The following ACAD9 variants were observed in gnomAD, a reference collection of about 807,000 sequenced individuals.
The protein encoded by ACAD9 is complex I assembly factor ACAD9, mitochondrial.
Under a neutral mutation model 70.2 loss-of-function variants are expected in ACAD9, and 53 were observed. The ratio of observed to expected loss-of-function variants is 0.75; its 90% CI spans 0.61 to 0.95. The LOEUF is 0.95. Ranked by LOEUF, ACAD9 falls within the 40% of genes least tolerant of loss-of-function variation. The pLI is 0.00. For missense variants in ACAD9, 777 were observed against 802.8 expected (o/e 0.97, Z 0.39); for synonymous variants, 313 against 312.1 (o/e 1.00, Z -0.03).
intron 9 of ACAD9, among the ~76,000 whole-genome samples, chr3:128,903,599 C>T (rs1213275895): frequency 6.6e-6 from 1 of 152,204 alleles, no homozygotes; most frequent in Admixed American, 6.5e-5. Context: ...AGCCACACGC[C>T]TGGAAGCCCC....
chr3:128,911,673 C>T (rs556579238), intron 17 of ACAD9, among the ~76,000 whole-genome samples: 1 of 152,308 alleles, frequency 6.6e-6, no homozygotes, highest in East Asian at 1.9e-4. Flanking sequence ...AACCCCTGAC[C>T]TCAGGTGATC....
chr3:128,908,996 GCA>G lies in ACAD9; in HGVS notation c.1385_1386del (p.Thr462SerfsTer40), dbSNP rs1256178504. ...AGTGAGCTTAAACAGGCCAAAGTGAGCACAGTCATGGATACCGTTGGCCGGAG... is the reference window on the plus strand; with the variant it reads ...AGTGAGCTTAAACAGGCCAAAGTGAGCAGTCATGGATACCGTTGGCCGGAG... On this transcript the variant is annotated frameshift_variant, in exon 14 of 18. Coordinates refer to ENST00000308982, the MANE Select transcript of ACAD9 (RefSeq NM_014049.5). LOFTEE classifies it high-confidence loss of function. 3.1e-6 allele frequency: 5 copies of G among 1,614,202 alleles called. No individual in the cohort carries two copies. Among genetic ancestry groups the G allele is most frequent in the Non-Finnish European group, 4.2e-6 (5 of 1,180,042 alleles).
Position 128,904,443 on chromosome 3 carries a change from A to G in ACAD9, c.1087A>G (p.Thr363Ala). The stretch of plus-strand genomic sequence containing the variant: ...CGTCATGGAGAGTATGACCTACCTC[A>G]CAGCAGGGATGCTGGACCAACCTGG... The part of the protein sequence containing the change: ...AYVMESMTYL[T>A]AGMLDQPGFP... Residue 363 changes from threonine (T) to alanine (A), a missense_variant, in exon 11 of 18, where the codon ACA becomes GCA. Thr to Ala is a moderately conservative substitution (Grantham distance 58, BLOSUM62 0). Coordinates refer to ENST00000308982, the MANE Select transcript of ACAD9 (RefSeq NM_014049.5). 1 of 1,614,206 alleles carries G rather than the reference A, an allele frequency of 6.2e-7. No homozygotes were observed. Among genetic ancestry groups the G allele is most frequent in the Non-Finnish European group, 8.5e-7 (1 of 1,180,030 alleles).
At position 128,906,038 on chromosome 3, in the gene ACAD9, G is replaced by A; in HGVS notation, c.1150-83G>A. The A allele has an allele frequency of 1.9e-6, 3 of 1,599,036 alleles. No individual in the cohort carries two copies. In the South Asian group the frequency reaches 3.3e-5, roughly 18 times the overall value. On this transcript the variant is annotated intron_variant, in intron 11 of 17. Transcript: ENST00000308982. ...TGGCCGATCTCCTCCCCAAGCCCGT[G>A]TGCCTCCCATGCCTCCCCAGCCACC...
intron 3 of ACAD9, 30 bp from the exon 4 acceptor site, chr3:128,895,280 C>G (rs1192177628): frequency 1.3e-6 from 2 of 1,551,488 alleles, no homozygotes; most frequent in African/African-American, 2.8e-5. Flanking sequence ...TAGGGCTGGG[C>G]TGTGATTGAC....
Position 128,902,705 on chromosome 3 carries a change from C to A in ACAD9, c.958+77C>A. Reference sequence around the variant, plus strand: ...CTCCAACCCTGGAGGCTCTGCCATTCCCCCGGCCCCTTCCAGGCCAGTGCT... The same window carrying A: ...CTCCAACCCTGGAGGCTCTGCCATTACCCCGGCCCCTTCCAGGCCAGTGCT... On this transcript the variant is annotated intron_variant, in intron 9 of 17. Coordinates refer to ENST00000308982, the MANE Select transcript of ACAD9 (RefSeq NM_014049.5). This position sits in a 1 kb window ranked among gnomAD's most constrained non-coding sequence, Gnocchi z 4.0. 8 of 1,495,376 alleles carry A rather than the reference C, an allele frequency of 5.3e-6. No individual in the cohort carries two copies. The highest frequency in any genetic ancestry group is 1.2e-5 in the South Asian group (1 of 85,408). The allele number at this position is 1,495,376 out of a possible 1,614,324, so 92.6% of individuals were successfully genotyped here.
chr3:128,899,860 G>C (rs185849695), intron 7 of ACAD9, among the ~76,000 whole-genome samples: 3 of 152,240 alleles, frequency 2.0e-5, no homozygotes, highest in Non-Finnish European at 4.4e-5. Context: ...GTCCATCTGG[G>C]TTCAGGTCCA....
Position 128,884,653 on chromosome 3 carries a change from A to G in ACAD9, c.151A>G (p.Lys51Glu), listed in dbSNP as rs761039361. ...KELFLGKIKK[K>E]EVFPFPEVSQ... The stretch of plus-strand genomic sequence containing the variant: ...TTTAGAAAATATTTACTATTTTTAG[A>G]AAGAAGTTTTCCCATTTCCAGAAGT... The change falls in exon 2 of 18, where the codon AAA becomes GAA. Residue 51 changes from lysine (K) to glutamate (E), a missense_variant and splice_region_variant. Transcript: ENST00000308982. 2 of 1,604,622 alleles carry G rather than the reference A, an allele frequency of 1.2e-6. No individual in the cohort carries two copies. The highest frequency in any genetic ancestry group is 3.3e-5 in the Admixed American group (2 of 59,984).
rs773817938 is a variant in ACAD9 at position 128,904,114 on chromosome 3, T to C, written c.1011T>C (p.Ser337=). 6.2e-7 allele frequency: 1 copy of C among 1,614,230 alleles called. No individual in the cohort carries two copies. Among genetic ancestry groups the C allele is most frequent in the South Asian group, 1.1e-5 (1 of 91,090 alleles). Residue 337 remains serine, a synonymous_variant, in exon 10 of 18, where the codon AGT becomes AGC. Coordinates refer to ENST00000308982, the MANE Select transcript of ACAD9 (RefSeq NM_014049.5). ...GGAAACAGTTTAACAAGAGGCTCAG[T>C]GAATTTGGATTGATTCAGGTACCAA... ...CTRKQFNKRL[S]EFGLIQEKFA...
chr3:128,909,092 G>C lies in ACAD9; in HGVS notation c.1478G>C (p.Ser493Thr). Residue 493 changes from serine (S) to threonine (T), a missense_variant, in exon 14 of 18, where the codon AGT becomes ACT. Ser to Thr is a moderately conservative substitution (Grantham distance 58, BLOSUM62 1). Coordinates refer to ENST00000308982, the MANE Select transcript of ACAD9 (RefSeq NM_014049.5). Reference sequence around the variant, plus strand: ...GGCAACCATGGAGTTGTGCACCCCAGTCTTGCGGTGAGTGGGCCTAACAGG... The same window carrying C: ...GGCAACCATGGAGTTGTGCACCCCACTCTTGCGGTGAGTGGGCCTAACAGG... The part of the protein sequence containing the change: ...LTGNHGVVHP[S>T]LADSANKFEE... The C allele has an allele frequency of 6.2e-7, 1 of 1,614,004 alleles. No individual in the cohort carries two copies. The highest frequency in any genetic ancestry group is 8.5e-7 in the Non-Finnish European group (1 of 1,180,000).
intron 7 of ACAD9, 135 bp downstream of exon 7, chr3:128,899,596 T>G (rs1935680323): frequency 9.7e-7 from 1 of 1,035,518 alleles, no homozygotes; most frequent in Admixed American, 2.9e-5. Context: ...TCTGTCCAAA[T>G]AGCAAGATAA....
intron 2 of ACAD9, among the ~76,000 whole-genome samples, chr3:128,893,229 A>G (rs985244053): frequency 5.3e-5 from 8 of 151,500 alleles, no homozygotes; most frequent in Admixed American, 4.6e-4. Context: ...ATATACCTGT[A>G]GTCCCAGCTT....
chr3:128,880,101 C>T (rs530705306), intron 1 of ACAD9: 1 of 1,324,622 alleles, frequency 7.5e-7, no homozygotes, highest in East Asian at 2.8e-5. Context: ...ATTCGGAAAA[C>T]TCTAGGCTAG....
chr3:128,887,662 T>A (rs1462974417), intron 2 of ACAD9, among the ~76,000 whole-genome samples: 1 of 145,770 alleles, frequency 6.9e-6, no homozygotes, highest in South Asian at 2.2e-4. Flanking sequence ...TATATATATA[T>A]ATATATGCAA....
intron 17 of ACAD9, among the ~76,000 whole-genome samples, chr3:128,911,897 C>T (rs1411687496): frequency 1.3e-5 from 2 of 152,244 alleles, no homozygotes; most frequent in Admixed American, 1.3e-4. Context: ...AGGCCTTGGC[C>T]TAGAGAACAG....
chr3:128,900,470 C>T (rs1559826174), intron 7 of ACAD9, among the ~76,000 whole-genome samples: 1 of 151,970 alleles, frequency 6.6e-6, no homozygotes, highest in Non-Finnish European at 1.5e-5. Flanking sequence ...GATCTCCTGA[C>T]CTCGTGATCC....
At chr3:128,899,554 G>A (rs1935678202) in intron 7 of ACAD9, 93 bp downstream of exon 7, 2 of 1,421,290 alleles carry the variant, frequency 1.4e-6, no homozygotes, top group South Asian at 2.6e-5. Flanking sequence ...GTGTGTGTGT[G>A]TGTGTGTGTA....
In ACAD9 at chr3:128,908,193, T is replaced by C. The variant is rs1935957543; in HGVS notation, c.1287T>C (p.Asn429=). ...TRILLIFEGT[N]EILRMYIALT... ...TACACTACTGACCACAGGGAACCAA[T>C]GAGATTCTCCGGATGTACATCGCCC... The change falls in exon 13 of 18, where the codon AAT becomes AAC. Residue 429 remains asparagine, a synonymous_variant. Coordinates refer to ENST00000308982, the MANE Select transcript of ACAD9 (RefSeq NM_014049.5). 1.9e-6 allele frequency: 3 copies of C among 1,600,584 alleles called. No individual in the cohort carries two copies.
intron 1 of ACAD9, among the ~76,000 whole-genome samples, chr3:128,884,210 G>A (rs548184178): frequency 6.6e-6 from 1 of 152,286 alleles, no homozygotes; most frequent in South Asian, 2.1e-4. Context: ...TATCTTCCAC[G>A]ATTCTCACAA....
Sources: allele counts gnomAD v4.1 joint callset (sites outside exome capture counted in the v4.1 genomes callset), GRCh38; gene constraint gnomAD v4.1.1; non-coding constraint Gnocchi (gnomAD v3.1); transcripts MANE v1.5; gene names NCBI Gene and HGNC (gene_info 2026-07-23, HGNC 2026-07-21).